Variants in KANSL1L observed in about 807,000 individuals in gnomAD.
The protein encoded by KANSL1L is KAT8 regulatory NSL complex subunit 1 like.
In KANSL1L, 25 loss-of-function variants were observed where a neutral mutation model predicts 108.6. The ratio of observed to expected loss-of-function variants is 0.23; its 90% CI spans 0.17 to 0.32. The LOEUF is 0.32. Among genes scored for constraint, KANSL1L ranks in the 10% least tolerant of loss-of-function variants. The pLI is 1.00. For synonymous variants in KANSL1L, 405 were observed against 395.1 expected (o/e 1.03, Z -0.30); for missense variants, 1,137 against 1,125.7 (o/e 1.01, Z -0.14).
chr2:210,096,736 T>A (rs2094739444), intron 5 of KANSL1L: 2 of 958,914 alleles, frequency 2.1e-6, no homozygotes, highest in African/African-American at 1.8e-5. Flanking sequence ...TATGTAAGAA[T>A]CTTTACGTTC....
intron 2 of KANSL1L, among the ~76,000 whole-genome samples, chr2:210,129,534 G>A (rs536991128): frequency 2.0e-5 from 3 of 152,234 alleles, no homozygotes; most frequent in East Asian, 1.9e-4. Flanking sequence ...ACTTTTATAC[G>A]TAAGTAGATG....
chr2:210,122,983 T>G (rs1283433404), intron 3 of KANSL1L, among the ~76,000 whole-genome samples: 1 of 152,030 alleles, frequency 6.6e-6, no homozygotes, highest in Non-Finnish European at 1.5e-5. Flanking sequence ...AAATCAAAAC[T>G]ACAATGAGCT....
intron 2 of KANSL1L, among the ~76,000 whole-genome samples, chr2:210,147,883 C>T (rs2095276459): frequency 6.6e-6 from 1 of 152,152 alleles, no homozygotes; most frequent in African/African-American, 2.4e-5. Flanking sequence ...TTTTCCTTTC[C>T]ATTGGCAAAG....
chr2:210,088,092 G>A (rs1274281758), intron 5 of KANSL1L: 1 of 152,048 alleles, frequency 6.6e-6, no homozygotes, highest in Non-Finnish European at 1.5e-5. Flanking sequence ...TCACTCAGTA[G>A]GTACTAGTTA....
intron 6 of KANSL1L, among the ~76,000 whole-genome samples, chr2:210,073,772 C>G (rs985366745): frequency 3.4e-4 from 45 of 132,446 alleles, no homozygotes; most frequent in African/African-American, 4.9e-4. Flanking sequence ...AGGAAACACA[C>G]AAACACACAC....
intron 3 of KANSL1L, among the ~76,000 whole-genome samples, chr2:210,123,916 C>G (rs1378552714): frequency 2.0e-5 from 3 of 151,780 alleles, no homozygotes; most frequent in African/African-American, 7.3e-5. Flanking sequence ...TAAAGCTTTT[C>G]TTCTTTCAAA....
At position 210,107,510 on chromosome 2, in the gene KANSL1L, C is replaced by CAAAAAA. The variant is rs142353453; in HGVS notation, c.1231-3215_1231-3210dup. On this transcript the variant is annotated intron_variant, in intron 3 of 14. Transcript: ENST00000281772. ...TTGCTAATAACTGCTTTCTTCTCCT[C>CAAAAAA]AAAAAAAAAATATATATATATATAT... 8.1e-3 allele frequency among the ~76,000 whole-genome samples: 995 copies of CAAAAAA among 122,856 alleles called. 17 individuals carry two copies. The highest frequency in any genetic ancestry group is 0.024 in the African/African-American group (843 of 35,056). The allele number at this position is 122,856 out of a possible 152,430, so 80.6% of individuals were successfully genotyped here.
chr2:210,035,245 G>T (rs948380619), intron 8 of KANSL1L: 8 of 152,102 alleles, frequency 5.3e-5, no homozygotes, highest in Non-Finnish European at 8.8e-5. Context: ...GAACATTTTG[G>T]TAAGTATAAA....
rs1003767603 is a variant in KANSL1L, at chr2:210,112,769, A to C, written c.1231-8468T>G. Among the ~76,000 whole-genome samples, 13 of 152,290 alleles carry C rather than the reference A, an allele frequency of 8.5e-5. No homozygotes were observed. In the East Asian group the frequency reaches 1.4e-3, roughly 16 times the overall value. ...ATCGTTTCTATGTGTTGGAACAGGA[A>C]CCACCAGGAATCTGTCACCCCACCT... On this transcript the variant is annotated intron_variant, in intron 3 of 14. Coordinates refer to ENST00000281772, the MANE Select transcript of KANSL1L (RefSeq NM_152519.4).
rs865797914 is a variant in KANSL1L, at chr2:210,028,926, A to G, written c.2315T>C (p.Ile772Thr). 1.1e-5 allele frequency: 18 copies of G among 1,608,598 alleles called. No individual in the cohort carries two copies. The highest frequency in any genetic ancestry group is 5.4e-5 in the African/African-American group (4 of 74,732). Residue 772 changes from isoleucine to threonine, a missense_variant, in exon 11 of 15, where the codon ATA becomes ACA. By Grantham distance (89) the Ile-to-Thr change is moderately conservative. Coordinates refer to ENST00000281772, the MANE Select transcript of KANSL1L (RefSeq NM_152519.4). ...TGACATGGGAATCACAATGTTATCT[A>G]TGTCATAAGAGCTCTCACTTCTCAA... ...RRLRSESSYD[I>T]DNIVIPMSLV...
intron 3 of KANSL1L, among the ~76,000 whole-genome samples, chr2:210,110,834 A>G (rs2094897021): frequency 6.6e-6 from 1 of 152,198 alleles, no homozygotes; most frequent in Non-Finnish European, 1.5e-5. Flanking sequence ...GCAGTGGCTT[A>G]TACCTGTAAT....
chr2:210,100,140 C>T (rs1050201436), intron 4 of KANSL1L, among the ~76,000 whole-genome samples: 1 of 152,218 alleles, frequency 6.6e-6, no homozygotes, highest in African/African-American at 2.4e-5. Context: ...TGTCAGACCA[C>T]CCACAGCATT....
At chr2:210,053,324 T>G (rs1051488916) in intron 6 of KANSL1L, among the ~76,000 whole-genome samples, 1 of 152,198 alleles carries the variant, frequency 6.6e-6, no homozygotes, top group Non-Finnish European at 1.5e-5. Flanking sequence ...AGGCCAGATG[T>G]GGTGGCTCAT....
At chr2:210,165,108 G>A (rs1163443995) in intron 1 of KANSL1L, among the ~76,000 whole-genome samples, 1 of 150,526 alleles carries the variant, frequency 6.6e-6, no homozygotes, top group East Asian at 1.9e-4. Context: ...CTCGTGATCT[G>A]CCCACCAAAG....
chr2:210,159,953 G>A (rs1318002320), intron 1 of KANSL1L, among the ~76,000 whole-genome samples: 5 of 152,082 alleles, frequency 3.3e-5, no homozygotes, highest in African/African-American at 1.2e-4. Context: ...GGAGAATGGT[G>A]TGAACCCGGG....
Position 210,044,814 on chromosome 2 carries a change from G to C in KANSL1L, c.1756-710C>G, listed in dbSNP as rs1469309755. On this transcript the variant is annotated intron_variant, in intron 6 of 14. Transcript: ENST00000281772. This position sits in a 1 kb window ranked among gnomAD's most constrained non-coding sequence, Gnocchi z 4.2. ...TGAGACAGTCTCGCTCTGTTGCTCA[G>C]ACTAGAGTGCAGTGGCAGGATCTCG... Among the ~76,000 whole-genome samples, 1 of 152,040 alleles carries C rather than the reference G, an allele frequency of 6.6e-6. No individual in the cohort carries two copies. The highest frequency in any genetic ancestry group is 1.9e-4 in the East Asian group (1 of 5,192).
intron 6 of KANSL1L, among the ~76,000 whole-genome samples, chr2:210,075,023 T>A (rs1035110033): frequency 1.3e-5 from 2 of 152,220 alleles, no homozygotes; most frequent in Non-Finnish European, 2.9e-5. Context: ...TAATGAAGTA[T>A]ACTTAATTTG....
chr2:210,138,002 C>A (rs997640962), intron 2 of KANSL1L, among the ~76,000 whole-genome samples: 2 of 151,858 alleles, frequency 1.3e-5, no homozygotes, highest in African/African-American at 4.8e-5. Flanking sequence ...CTGCACTCCA[C>A]CCTGGGCAAC....
At chr2:210,046,524 GAAGA>G (rs1235714557) in intron 6 of KANSL1L, among the ~76,000 whole-genome samples, 1 of 152,146 alleles carries the variant, frequency 6.6e-6, no homozygotes, top group Non-Finnish European at 1.5e-5. Context: ...GAATAGGAAA[GAAGA>G]AAGAAATGAC....
Sources: allele counts gnomAD v4.1 joint callset (sites outside exome capture counted in the v4.1 genomes callset), GRCh38; gene constraint gnomAD v4.1.1; non-coding constraint Gnocchi (gnomAD v3.1); transcripts MANE v1.5; gene names NCBI Gene and HGNC (gene_info 2026-07-23, HGNC 2026-07-21).